FRAS1: variants seen among roughly 807,000 people sequenced by gnomAD.
The protein encoded by FRAS1 is Fraser extracellular matrix complex subunit 1.
Under a neutral mutation model 435.2 loss-of-function variants are expected in FRAS1, and 290 were observed. The ratio of observed to expected loss-of-function variants is 0.67; its 90% confidence interval spans 0.61 to 0.73. The LOEUF (loss-of-function observed/expected upper bound fraction) is 0.73. FRAS1 is among the 30% of genes least tolerant of loss of function. FRAS1 has a pLI of 0.00. For missense variants in FRAS1, 4,860 were observed against 5,001.5 expected, an observed-to-expected ratio of 0.97 and a Z score of 0.85; for synonymous variants, 1,800 against 1,851.0, an observed-to-expected ratio of 0.97 and a Z score of 0.71.
Position 78,482,041 on chromosome 4 carries a change from C to T in FRAS1, c.8604+77C>T. ...TGTTGTCTTTAGTTTGCTTCCCAAG[C>T]TCTCTAAACTCCCCTGGCGATATTC... On this transcript the variant is annotated intron_variant, in intron 57 of 73. Coordinates refer to ENST00000512123, the MANE Select transcript of FRAS1 (RefSeq NM_025074.7). 2.2e-6 allele frequency: 3 copies of T among 1,390,108 alleles called. No individual in the cohort carries two copies. The Admixed American group carries it at 6.3e-5, about 29-fold the overall frequency. The allele number at this position is 1,390,108 out of a possible 1,614,324, so 86.1% of individuals were successfully genotyped here. A position where few individuals can be genotyped will look rare whatever the true frequency, so the allele number is the denominator to read the frequency against.
At chr4:78,135,006 A>G (rs1719862114) in intron 2 of FRAS1, among the ~76,000 whole-genome samples, 1 of 152,142 alleles carries the variant, frequency 6.6e-6, no homozygotes, top group African/African-American at 2.4e-5. Flanking sequence ...TCAAAGGACA[A>G]TTGCATGCTG....
chr4:78,476,168 C>G (rs1286969553), intron 54 of FRAS1, among the ~76,000 whole-genome samples: 2 of 152,126 alleles, frequency 1.3e-5, no homozygotes, highest in African/African-American at 4.8e-5. Flanking sequence ...TAAGAGGAGC[C>G]GGTTGGGCAA....
rs367562709 is a variant in FRAS1 at position 78,278,691 on chromosome 4, C to T, written c.1018C>T (p.Pro340Ser). 1.2e-5 allele frequency: 19 copies of T among 1,607,616 alleles called. No individual in the cohort carries two copies. Among genetic ancestry groups the T allele is most frequent in the South Asian group, 7.7e-5 (7 of 90,586 alleles). Residue 340 changes from proline (P) to serine (S), a missense_variant, in exon 10 of 74, where the codon CCT (proline) becomes TCT (serine). Transcript: ENST00000512123. ...AATTCACTTAGATGGAAAGTGTTGT[C>T]CTGAATGCATTTCAAGGAATGGTTA... is the stretch of plus-strand genomic sequence containing the variant. ...ELIHLDGKCC[P>S]ECISRNGYCV... is the part of the protein sequence containing the mutation.
chr4:78,387,942 A>G (rs981307013), intron 29 of FRAS1, among the ~76,000 whole-genome samples: 2 of 152,196 alleles, frequency 1.3e-5, no homozygotes, highest in Non-Finnish European at 2.9e-5. Context: ...TACTGCCATA[A>G]GAACGTGTTA....
rs1037465051 is a variant in FRAS1, at chr4:78,243,196, A to C, written c.217-2037A>C. Reference sequence around the variant, plus strand: ...GTGAAAATTAACTCTCTCTATATATATATATGTATATATCTATATGTATGC... The same window carrying C: ...GTGAAAATTAACTCTCTCTATATATCTATATGTATATATCTATATGTATGC... On this transcript the variant is annotated intron_variant, in intron 3 of 73. Coordinates refer to ENST00000512123, the MANE Select transcript of FRAS1 (RefSeq NM_025074.7). Among the ~76,000 whole-genome samples, 117 of 152,212 alleles carry C rather than the reference A, an allele frequency of 7.7e-4. No individual in the cohort carries two copies. The South Asian group carries it at 0.012, about 15-fold the overall frequency.
At chr4:78,310,630 T>A (rs544790818) in intron 15 of FRAS1, among the ~76,000 whole-genome samples, 1 of 152,356 alleles carries the variant, frequency 6.6e-6, no homozygotes, top group African/African-American at 2.4e-5. Context: ...ACAGGCCTTT[T>A]AATACACAAA....
At chr4:78,391,354 G>A (rs1050421688) in intron 29 of FRAS1, among the ~76,000 whole-genome samples, 11 of 152,162 alleles carry the variant, frequency 7.2e-5, no homozygotes, top group African/African-American at 2.4e-4. Context: ...GGGGGAAGGA[G>A]GCAAAAGAAT....
chr4:78,387,774 A>G, intron 29 of FRAS1, 73 bp downstream of exon 29: 1 of 1,036,484 alleles, frequency 9.6e-7, no homozygotes, highest in South Asian at 2.1e-5. Flanking sequence ...TTATTTTATG[A>G]TACTCACAAA....
chr4:78,445,972 G>A, intron 42 of FRAS1: 1 of 1,281,478 alleles, frequency 7.8e-7, no homozygotes, highest in Non-Finnish European at 9.8e-7. Context: ...GAAGGTCAGA[G>A]ATGCTTTGCC....
At chr4:78,302,684 C>A (rs1728474149) in intron 14 of FRAS1, among the ~76,000 whole-genome samples, 1 of 151,666 alleles carries the variant, frequency 6.6e-6, no homozygotes, top group South Asian at 2.1e-4. Flanking sequence ...TGTCCTTCAC[C>A]CACTTTTTGA....
chr4:78,192,703 T>C (rs1433227188), intron 2 of FRAS1, among the ~76,000 whole-genome samples: 1 of 152,220 alleles, frequency 6.6e-6, no homozygotes, highest in East Asian at 1.9e-4. Flanking sequence ...ATCAGTTTTG[T>C]TGATCTTTTC....
chr4:78,135,402 G>A (rs906061119), intron 2 of FRAS1, among the ~76,000 whole-genome samples: 1 of 152,136 alleles, frequency 6.6e-6, no homozygotes, highest in Non-Finnish European at 1.5e-5. Flanking sequence ...GTGGATTTGT[G>A]GAGAACTTTC....
chr4:78,127,332 C>G (rs1310411348), intron 2 of FRAS1, among the ~76,000 whole-genome samples: 1 of 152,094 alleles, frequency 6.6e-6, no homozygotes, highest in Non-Finnish European at 1.5e-5. Context: ...CTTTTAAGGG[C>G]TTTGGACTCT....
chr4:78,469,496 A>C (rs1364394231), intron 50 of FRAS1, among the ~76,000 whole-genome samples: 3 of 152,252 alleles, frequency 2.0e-5, no homozygotes, highest in Non-Finnish European at 2.9e-5. Context: ...AAAAAAAAGA[A>C]AATATCTTCC....
Position 78,413,955 on chromosome 4 carries a change from T to C in FRAS1, c.4425+870T>C, listed in dbSNP as rs900640940. Reference sequence around the variant, plus strand: ...GACAGAGCCGCAAGCATATAAGACCTTGTAAATTAATCATCATGGGTCCAC... The same window carrying C: ...GACAGAGCCGCAAGCATATAAGACCCTGTAAATTAATCATCATGGGTCCAC... On this transcript the variant is annotated intron_variant, in intron 32 of 73. Coordinates refer to ENST00000512123, the MANE Select transcript of FRAS1 (RefSeq NM_025074.7). Among the ~76,000 whole-genome samples, 6 of 152,190 alleles carry C rather than the reference T, an allele frequency of 3.9e-5. No individual in the cohort carries two copies. The South Asian group carries it at 6.2e-4, about 16-fold the overall frequency.
intron 53 of FRAS1, among the ~76,000 whole-genome samples, chr4:78,474,489 A>G (rs936859735): frequency 7.2e-5 from 11 of 152,222 alleles, no homozygotes; most frequent in African/African-American, 2.7e-4. Flanking sequence ...ACTCTTACAC[A>G]CATTTGGAGA....
rs13116700 is a variant in FRAS1 at position 78,222,473 on chromosome 4, G to T, written c.109-15037G>T. 4.4e-3 allele frequency among the ~76,000 whole-genome samples: 664 copies of T among 152,350 alleles called. 2 individuals are homozygous for T. Among genetic ancestry groups the T allele is most frequent in the Non-Finnish European group, 8.4e-3 (570 of 68,038 alleles). On this transcript the variant is annotated intron_variant, in intron 2 of 73. Coordinates refer to ENST00000512123, the MANE Select transcript of FRAS1 (RefSeq NM_025074.7). ...CTCCGTAAATGTTGACTGCAGGGCA[G>T]AAAGAAAGGCTAAAAGTTCTTAGGA...
At chr4:78,369,329 T>C (rs1179687006) in intron 22 of FRAS1, among the ~76,000 whole-genome samples, 2 of 152,212 alleles carry the variant, frequency 1.3e-5, no homozygotes, top group African/African-American at 2.4e-5. Context: ...GTCAGAGTTA[T>C]GTGGCTGGGT....
intron 29 of FRAS1, among the ~76,000 whole-genome samples, chr4:78,392,586 A>G: frequency 6.6e-6 from 1 of 152,028 alleles, no homozygotes; most frequent in East Asian, 1.9e-4. Context: ...AAGCTTTATT[A>G]CCATTTCTGC....
Sources: gnomAD v4.1 joint callset for allele counts (sites outside exome capture counted in the v4.1 genomes callset) on GRCh38, gnomAD v4.1.1 for gene constraint, MANE v1.5 for transcripts, NCBI Gene and HGNC (gene_info 2026-07-23, HGNC 2026-07-21) for gene names.